Variants in GRIA1 observed in about 807,000 individuals in gnomAD.
The protein encoded by GRIA1 is glutamate receptor 1.
Under a neutral mutation model 99.2 loss-of-function variants are expected in GRIA1, and 31 were observed. The observed-to-expected ratio is 0.31, with a 90% CI of 0.23 to 0.42. GRIA1 has a LOEUF of 0.42. Ranked by LOEUF, GRIA1 falls within the 10% of genes least tolerant of loss-of-function variation. The pLI is 1.00. For missense variants in GRIA1, 782 were observed against 1,157.5 expected, an observed-to-expected ratio of 0.68 and a Z score of 4.71; for synonymous variants, 438 against 432.4, an observed-to-expected ratio of 1.01 and a Z score of -0.16.
intron 2 of GRIA1, among the ~76,000 whole-genome samples, chr5:153,502,851 T>C (rs1755140002): frequency 6.6e-6 from 1 of 152,186 alleles, no homozygotes; most frequent in Non-Finnish European, 1.5e-5. Context: ...AAGTAATATA[T>C]ACATTACAGA....
intron 7 of GRIA1, among the ~76,000 whole-genome samples, chr5:153,678,012 G>A (rs575228307): frequency 1.9e-4 from 29 of 152,300 alleles, no homozygotes; most frequent in African/African-American, 6.3e-4. Context: ...GAGGATGGCC[G>A]TGCTTGCTGC....
Position 153,506,593 on chromosome 5 carries a change from C to T in GRIA1, c.220+12528C>T, listed in dbSNP as rs1187651021. 2.0e-5 allele frequency among the ~76,000 whole-genome samples: 3 copies of T among 152,186 alleles called. No individual in the cohort carries two copies. The East Asian group carries it at 5.8e-4, about 29-fold the overall frequency. On this transcript the variant is annotated intron_variant, in intron 2 of 15. Coordinates refer to ENST00000285900, the MANE Select transcript of GRIA1 (RefSeq NM_000827.4). The stretch of plus-strand genomic sequence containing the variant: ...CAGGATAAGCTCCAGCATCCCTAAT[C>T]TATCTGGTAAAGGCTATAGAGGTGT...
chr5:153,775,568 C>A (rs1426832119), intron 13 of GRIA1, among the ~76,000 whole-genome samples: 1 of 152,184 alleles, frequency 6.6e-6, no homozygotes, highest in South Asian at 2.1e-4. Flanking sequence ...CTGTGCTTTC[C>A]ATTTAGCTTC....
chr5:153,655,974 G>A, intron 5 of GRIA1, 102 bp downstream of exon 5: 1 of 861,890 alleles, frequency 1.2e-6, no homozygotes, highest in African/African-American at 1.7e-5. Flanking sequence ...TAGGTGGAAG[G>A]GGCAATTCAG....
intron 11 of GRIA1, among the ~76,000 whole-genome samples, chr5:153,735,904 A>G (rs1413027075): frequency 6.6e-6 from 1 of 152,240 alleles, no homozygotes; most frequent in East Asian, 1.9e-4. Context: ...GAGAAATCAA[A>G]AATTCAATTT....
intron 2 of GRIA1, among the ~76,000 whole-genome samples, chr5:153,624,126 A>G (rs1266826123): frequency 1.3e-5 from 2 of 152,166 alleles, no homozygotes; most frequent in African/African-American, 4.8e-5. Context: ...TTTAACCGTA[A>G]TAAGCACTCT....
intron 11 of GRIA1, among the ~76,000 whole-genome samples, chr5:153,760,156 C>A (rs117004920): frequency 6.6e-6 from 1 of 151,900 alleles, no homozygotes; most frequent in African/African-American, 2.4e-5. Context: ...GGCCACTGTC[C>A]CCACTTCTAT....
At chr5:153,648,132 A>G (rs990985126) in intron 3 of GRIA1, among the ~76,000 whole-genome samples, 1 of 152,292 alleles carries the variant, frequency 6.6e-6, no homozygotes, top group Non-Finnish European at 1.5e-5. Flanking sequence ...TTTGAGTTGG[A>G]GAGAGGTTTG....
chr5:153,640,759 G>A (rs1753726413), intron 2 of GRIA1, among the ~76,000 whole-genome samples: 2 of 152,184 alleles, frequency 1.3e-5, no homozygotes, highest in South Asian at 2.1e-4. Flanking sequence ...TGTCTGTCTT[G>A]TGTAATTGTG....
At chr5:153,799,087 C>A (rs571799272) in intron 14 of GRIA1, among the ~76,000 whole-genome samples, 4 of 152,230 alleles carry the variant, frequency 2.6e-5, no homozygotes, top group African/African-American at 9.6e-5. Flanking sequence ...TTCCACCCCC[C>A]CCTGACAAGC....
intron 2 of GRIA1, among the ~76,000 whole-genome samples, chr5:153,626,444 C>CTGTG (rs3036985): frequency 0.046 from 6,535 of 142,272 alleles, 151 homozygotes; most frequent in Non-Finnish European, 0.051. Flanking sequence ...GTGTGTGTGT[C>CTGTG]TGTGTGTGTG....
rs1160726615 is a variant in GRIA1, at chr5:153,718,067, A to T, written c.1823+12000A>T. Among the ~76,000 whole-genome samples, 3 of 152,028 alleles carry T rather than the reference A, an allele frequency of 2.0e-5. No individual in the cohort carries two copies. The East Asian group carries it at 5.8e-4, about 29-fold the overall frequency. Reference sequence around the variant, plus strand: ...ATACAAGAAAGGAGTCATCACTCCGATGTTTTAAATTGAGCACCACCTGGG... The same window carrying T: ...ATACAAGAAAGGAGTCATCACTCCGTTGTTTTAAATTGAGCACCACCTGGG... On this transcript the variant is annotated intron_variant, in intron 11 of 15. Coordinates refer to ENST00000285900, the MANE Select transcript of GRIA1 (RefSeq NM_000827.4).
intron 2 of GRIA1, among the ~76,000 whole-genome samples, chr5:153,582,943 G>T (rs1204244189): frequency 6.6e-6 from 1 of 151,974 alleles, no homozygotes; most frequent in Non-Finnish European, 1.5e-5. Flanking sequence ...ACTACAGGGG[G>T]TGTGCCACCA....
chr5:153,579,574 A>G (rs1298310895), intron 2 of GRIA1, among the ~76,000 whole-genome samples: 1 of 152,192 alleles, frequency 6.6e-6, no homozygotes, highest in Non-Finnish European at 1.5e-5. Flanking sequence ...AATGATGATA[A>G]TTTGAATGAC....
At chr5:153,614,689 T>C (rs1766314675) in intron 2 of GRIA1, among the ~76,000 whole-genome samples, 1 of 152,192 alleles carries the variant, frequency 6.6e-6, no homozygotes, top group African/African-American at 2.4e-5. Flanking sequence ...GTAGCAAAAC[T>C]GAAAACCTAA....
At chr5:153,703,445 T>G (rs1460466289) in intron 10 of GRIA1, among the ~76,000 whole-genome samples, 1 of 152,126 alleles carries the variant, frequency 6.6e-6, no homozygotes, top group African/African-American at 2.4e-5. Flanking sequence ...GAACTAAGCT[T>G]TAGGACAATA....
intron 2 of GRIA1, among the ~76,000 whole-genome samples, chr5:153,646,450 T>A (rs1754153855): frequency 6.6e-6 from 1 of 152,180 alleles, no homozygotes; most frequent in African/African-American, 2.4e-5. Context: ...TCTGCCCAAG[T>A]CATATGTCCT....
At chr5:153,772,826 G>C in intron 13 of GRIA1, among the ~76,000 whole-genome samples, 1 of 152,148 alleles carries the variant, frequency 6.6e-6, no homozygotes, top group Non-Finnish European at 1.5e-5. Context: ...GAACATCAGT[G>C]ATACCTCAAT....
At position 153,631,577 on chromosome 5, in the gene GRIA1, A is replaced by G. The variant is rs1307142095; in HGVS notation, c.221-15351A>G. On this transcript the variant is annotated intron_variant, in intron 2 of 15. Coordinates refer to ENST00000285900, the MANE Select transcript of GRIA1 (RefSeq NM_000827.4). ...CATTGTAATATTAGGTATCAGAGAG[A>G]CGACTCTAAGGTTGGGGAAAAGCAT... Among the ~76,000 whole-genome samples the G allele has an allele frequency of 2.6e-5, 4 of 152,178 alleles. No homozygotes were observed. In the East Asian group the frequency reaches 7.7e-4, roughly 29 times the overall value.
Sources: allele counts gnomAD v4.1 joint callset (sites outside exome capture counted in the v4.1 genomes callset), GRCh38; gene constraint gnomAD v4.1.1; transcripts MANE v1.5; gene names NCBI Gene and HGNC (gene_info 2026-07-23, HGNC 2026-07-21).